Variants in DRC9 observed in about 807,000 individuals in gnomAD.
DRC9 encodes the protein dynein regulatory complex subunit 9, also known as dynein regulatory complex protein 9.
chr3:197,915,079 A>C, the DRC9 span, among the ~76,000 whole-genome samples: 1 of 149,628 alleles, frequency 6.7e-6, no homozygotes, highest in African/African-American at 2.5e-5. Context: ...CAGAAGAATC[A>C]CTTGAACCCG....
At chr3:197,899,629 A>G in the DRC9 span, among the ~76,000 whole-genome samples, 1 of 152,302 alleles carries the variant, frequency 6.6e-6, no homozygotes, top group Non-Finnish European at 1.5e-5. Flanking sequence ...AACACAAAAT[A>G]AGGGAGAGAT....
chr3:197,913,769 C>G, the DRC9 span: 1 of 1,129,890 alleles, frequency 8.9e-7, no homozygotes, highest in South Asian at 1.2e-5. Flanking sequence ...GGGCTGTTGC[C>G]GATAGAGATG....
At chr3:197,947,612 C>G in the DRC9 span, among the ~76,000 whole-genome samples, 1 of 152,188 alleles carries the variant, frequency 6.6e-6, no homozygotes, top group Non-Finnish European at 1.5e-5. Context: ...TCCCACTGAC[C>G]CATCACCAGC....
chr3:197,942,718 G>A, the DRC9 span, among the ~76,000 whole-genome samples: 1 of 151,902 alleles, frequency 6.6e-6, no homozygotes, highest in Non-Finnish European at 1.5e-5. Context: ...GGGAGTTCAA[G>A]ACCAGCCTGA....
At chr3:197,931,155 A>G in the DRC9 span, among the ~76,000 whole-genome samples, 1 of 152,144 alleles carries the variant, frequency 6.6e-6, no homozygotes, top group Non-Finnish European at 1.5e-5. Context: ...GACAAGAAAA[A>G]TGCAGGATCA....
chr3:197,922,689 G>C, the DRC9 span, among the ~76,000 whole-genome samples: 2 of 150,994 alleles, frequency 1.3e-5, no homozygotes, highest in Non-Finnish European at 2.9e-5. Context: ...CTGGGCGACA[G>C]AGCTAGACTC....
the DRC9 span, among the ~76,000 whole-genome samples, chr3:197,910,324 T>A: frequency 6.6e-6 from 1 of 152,038 alleles, no homozygotes. Flanking sequence ...TAAAAAAATA[T>A]ATACTTATGT....
the DRC9 span, chr3:197,938,498 C>T: frequency 7.1e-7 from 1 of 1,415,694 alleles, no homozygotes; most frequent in Admixed American, 1.7e-5. Context: ...CCCCTTCGCT[C>T]ATCTATGTGT....
the DRC9 span, chr3:197,945,683 T>A: frequency 7.5e-7 from 1 of 1,325,572 alleles, no homozygotes; most frequent in Non-Finnish European, 1.1e-6. Context: ...AAAAGTGCAG[T>A]TACCTAAAAT....
At chr3:197,901,366 G>C in the DRC9 span, among the ~76,000 whole-genome samples, 5 of 152,156 alleles carry the variant, frequency 3.3e-5, no homozygotes, top group Non-Finnish European at 7.4e-5. The surrounding 1 kb of genome is among the most constrained non-coding windows in gnomAD (Gnocchi z 4.4). Flanking sequence ...TCAAACTCAC[G>C]ACCCCAGGTG....
At chr3:197,950,136 A>C in the DRC9 span, 1 of 1,231,796 alleles carries the variant, frequency 8.1e-7, no homozygotes, top group Non-Finnish European at 1.0e-6. Flanking sequence ...GCCTAAATTG[A>C]GGGCGGAGTC....
At chr3:197,915,808 T>C in the DRC9 span, among the ~76,000 whole-genome samples, 1 of 152,178 alleles carries the variant, frequency 6.6e-6, no homozygotes, top group South Asian at 2.1e-4. Flanking sequence ...TTTGTATTTT[T>C]AGTAGAGATG....
chr3:197,951,105 T>G, the DRC9 span: 3 of 1,612,312 alleles, frequency 1.9e-6, no homozygotes, highest in South Asian at 1.1e-5. Flanking sequence ...TGATTACAAG[T>G]CAGATTGGTT....
chr3:197,938,393 C>T, the DRC9 span, among the ~76,000 whole-genome samples: 3 of 152,138 alleles, frequency 2.0e-5, no homozygotes, highest in Admixed American at 6.5e-5. Context: ...ATCACCCTGC[C>T]TCTAGGCAGT....
At chr3:197,954,825 T>G in the DRC9 span, among the ~76,000 whole-genome samples, 11 of 152,344 alleles carry the variant, frequency 7.2e-5, no homozygotes, top group African/African-American at 2.2e-4. Flanking sequence ...AATAGTTTTC[T>G]GGTGAAGATA....
chr3:197,942,385 CAAAAAAAAAAAAA>C, the DRC9 span, among the ~76,000 whole-genome samples: 26 of 17,066 alleles, frequency 1.5e-3, 1 homozygote, highest in South Asian at 3.8e-3. Context: ...CTCCGTCTCA[CAAAAAAAAAAAAA>C]AAAAAAAAAA....
the DRC9 span, among the ~76,000 whole-genome samples, chr3:197,920,903 C>T: frequency 6.6e-6 from 1 of 152,192 alleles, no homozygotes; most frequent in Non-Finnish European, 1.5e-5. Context: ...TAAGCTACCA[C>T]CAACACTTTC....
the DRC9 span, among the ~76,000 whole-genome samples, chr3:197,923,166 T>G: frequency 2.0e-5 from 3 of 152,206 alleles, no homozygotes; most frequent in Non-Finnish European, 4.4e-5. Flanking sequence ...TTGCCCAGGC[T>G]GCAGTGCAGT....
At chr3:197,900,457 C>T in the DRC9 span, among the ~76,000 whole-genome samples, 4 of 151,906 alleles carry the variant, frequency 2.6e-5, no homozygotes, top group Non-Finnish European at 1.5e-5. The surrounding 1 kb of genome is among the most constrained non-coding windows in gnomAD (Gnocchi z 4.7). Flanking sequence ...GCAGAGGACA[C>T]CAGCTCAGCC....
Sources: gnomAD v4.1 joint callset for allele counts (sites outside exome capture counted in the v4.1 genomes callset) on GRCh38, gnomAD v4.1.1 for gene constraint, Gnocchi (gnomAD v3.1) non-coding constraint, MANE v1.5 for transcripts, NCBI Gene and HGNC (gene_info 2026-07-23, HGNC 2026-07-21) for gene names.